POLI: variants seen among roughly 807,000 people sequenced by gnomAD.
POLI encodes the protein RAD30 homolog B.
In POLI, 58 loss-of-function variants were observed where a neutral mutation model predicts 51.6. That is an observed-to-expected ratio of 1.12 (90% confidence interval 0.91 to 1.40). The LOEUF is 1.40. POLI is among the 40% of genes most tolerant of loss of function. POLI has a pLI of 0.00. For missense variants in POLI, 921 were observed against 871.3 expected (o/e 1.06, Z -0.72); for synonymous variants, 322 against 299.7 (o/e 1.07, Z -0.77).
chr18:54,270,067 T>G, intron 1 of POLI: 1 of 994,616 alleles, frequency 1.0e-6, no homozygotes, highest in Non-Finnish European at 1.2e-6. Flanking sequence ...CAGGAAGGGA[T>G]GGCTCAGAAC....
chr18:54,277,586 A>G, intron 3 of POLI, 117 bp from the exon 4 acceptor site: 1 of 605,680 alleles, frequency 1.7e-6, no homozygotes, highest in Non-Finnish European at 2.8e-6. Context: ...TTATGGAACT[A>G]TGAATGTATA....
chr18:54,312,746 A>G (rs953241580), intron 3 of POLI, among the ~76,000 whole-genome samples: 1 of 152,126 alleles, frequency 6.6e-6, no homozygotes, highest in East Asian at 1.9e-4. Context: ...AGCTGCTTGT[A>G]TGTCTTCTTT....
intron 2 of POLI, among the ~76,000 whole-genome samples, chr18:54,272,684 GTGGTCTCGTATGCT>G (rs1370315163): frequency 1.3e-5 from 2 of 150,808 alleles, no homozygotes; most frequent in Non-Finnish European, 3.0e-5. Flanking sequence ...GTTGCCCTGG[GTGGTCTCGTATGCT>G]TGAATTCAGG....
rs2088315749 is a variant in POLI at position 54,296,165 on chromosome 18, A to T, written c.*1698A>T. The T allele has an allele frequency of 1.0e-5, 10 of 984,630 alleles. No homozygotes were observed. The highest frequency in any genetic ancestry group is 1.2e-5 in the Non-Finnish European group (10 of 829,198). 61.0% of individuals were successfully genotyped at this position (984,630 alleles called of 1,614,324 possible). On this transcript the variant is annotated 3_prime_UTR_variant, in exon 10 of 10. Transcript: ENST00000579534. ...AAGGGTATATAACTTTTTGTAAATCATTAAAACATTTTATAGTCCTTGTAA... is the reference window on the plus strand; with the variant it reads ...AAGGGTATATAACTTTTTGTAAATCTTTAAAACATTTTATAGTCCTTGTAA...
In POLI at chr18:54,319,494, A is replaced by G. The variant is rs372169656; in HGVS notation, c.334-779A>G. Among the ~76,000 whole-genome samples, 5 of 152,166 alleles carry G rather than the reference A, an allele frequency of 3.3e-5. No homozygotes were observed. In the East Asian group the frequency reaches 9.6e-4, roughly 29 times the overall value. On this transcript the variant is annotated intron_variant, in intron 3 of 4. Coordinates refer to the POLI transcript ENST00000579823. ...ACATTTTTGTTTTGGTAAGTCCAGT[A>G]ATGTCTGAATATCTGAAAGTATTAG...
At position 54,317,098 on chromosome 18, in the gene POLI, G is replaced by A. The variant is rs76575006; in HGVS notation, c.334-3175G>A. On this transcript the variant is annotated intron_variant, in intron 3 of 4. Transcript: ENST00000579823. ...TTATTGATTATGAGTTTAGACATGT[G>A]ATTTTGCTAATGGAATGTTGGACTT... Among the ~76,000 whole-genome samples the A allele has an allele frequency of 5.9e-3, 894 of 152,232 alleles. 6 individuals carry two copies. Among genetic ancestry groups the A allele is most frequent in the African/African-American group, 0.018 (763 of 41,544 alleles).
Position 54,273,982 on chromosome 18 carries a change from G to A in POLI, c.298G>A (p.Val100Ile). The A allele has an allele frequency of 6.3e-7, 1 of 1,583,216 alleles. No individual in the cohort carries two copies. The highest frequency in any genetic ancestry group is 1.4e-5 in the African/African-American group (1 of 73,776). ...TCNYEARKLG[V>I]KKLMNVRDAK... ...CAACTATGAAGCTAGGAAACTTGGA[G>A]TTAAGAAACTTATGAATGTCAGAGA... Residue 100 changes from valine to isoleucine, a missense_variant, in exon 3 of 10, where the codon GTT (valine) becomes ATT (isoleucine). Coordinates refer to ENST00000579534, the MANE Select transcript of POLI (RefSeq NM_007195.3).
Position 54,293,768 on chromosome 18 carries a change from T to C in POLI, c.1524T>C (p.Asn508=). The part of the protein sequence containing the change: ...RTRESPLDTT[N]FSKEKDINEF... ...GGGAGTCTCCACTAGATACCACAAATTTTTCTAAAGAAAAAGACATTAATG... is the reference window on the plus strand; with the variant it reads ...GGGAGTCTCCACTAGATACCACAAACTTTTCTAAAGAAAAAGACATTAATG... The change falls in exon 10 of 10, where the codon AAT becomes AAC. Residue 508 remains asparagine, a synonymous_variant. Transcript: ENST00000579534. 1 of 1,605,944 alleles carries C rather than the reference T, an allele frequency of 6.2e-7. No homozygotes were observed. The highest frequency in any genetic ancestry group is 8.5e-7 in the Non-Finnish European group (1 of 1,175,574).
At chr18:54,283,751 A>G (rs1450750671) in intron 6 of POLI, 171 bp from the exon 7 acceptor site, 3 of 434,086 alleles carry the variant, frequency 6.9e-6, no homozygotes, top group Non-Finnish European at 1.3e-5. Context: ...AGTGAGTACA[A>G]TAGCTTGCAG....
chr18:54,303,165 A>G (rs1599270945), downstream of POLI, among the ~76,000 whole-genome samples: 1 of 152,348 alleles, frequency 6.6e-6, no homozygotes, highest in East Asian at 1.9e-4. Flanking sequence ...TAGGACACCT[A>G]CATAGTATAC....
chr18:54,308,367 G>T (rs1267808569), intron 3 of POLI, among the ~76,000 whole-genome samples: 2 of 152,106 alleles, frequency 1.3e-5, no homozygotes, highest in African/African-American at 4.8e-5. Context: ...ATATGAAATT[G>T]TGGGTTGGAA....
chr18:54,271,069 G>A (rs906359525), intron 1 of POLI: 4 of 210,658 alleles, frequency 1.9e-5, no homozygotes, highest in Non-Finnish European at 3.7e-5. Context: ...TAAACTTCCA[G>A]GTGATAGTAT....
chr18:54,281,390 G>A (rs1323545966), intron 5 of POLI, among the ~76,000 whole-genome samples: 2 of 152,096 alleles, frequency 1.3e-5, no homozygotes, highest in Non-Finnish European at 2.9e-5. Context: ...TAGGTCATGG[G>A]GCAAGTTTGT....
At chr18:54,279,940 A>G (rs2087424564) in intron 4 of POLI, among the ~76,000 whole-genome samples, 1 of 152,206 alleles carries the variant, frequency 6.6e-6, no homozygotes, top group Admixed American at 6.5e-5. Flanking sequence ...AAATATGAGT[A>G]AAAGTTTTGC....
chr18:54,319,614 A>G (rs1352931763), intron 3 of POLI, among the ~76,000 whole-genome samples: 1 of 152,130 alleles, frequency 6.6e-6, no homozygotes, highest in African/African-American at 2.4e-5. Flanking sequence ...GGATACCAGT[A>G]TTACTTACCT....
intron 3 of POLI, among the ~76,000 whole-genome samples, chr18:54,308,257 G>T (rs892731845): frequency 6.6e-6 from 1 of 152,160 alleles, no homozygotes; most frequent in Non-Finnish European, 1.5e-5. Context: ...TCCTTCAGGA[G>T]CTCTTGTAAG....
At chr18:54,311,010 T>G (rs2088662582) in intron 3 of POLI, 6 of 638,216 alleles carry the variant, frequency 9.4e-6, no homozygotes, top group Non-Finnish European at 1.2e-5. Flanking sequence ...CTCCTGCCTT[T>G]GCTTCCTGAA....
rs770049782 is a variant in POLI, at chr18:54,282,929, G to C, written c.889G>C (p.Glu297Gln). ...QTFSPKILEK[E>Q]LGISVAQRIQ... ...CTTTTCACCCAAAATTTTAGAAAAA[G>C]AATTAGGAATTTCAGTTGCTCAGCG... The change falls in exon 6 of 10, where the codon GAA (glutamate) becomes CAA (glutamine). Residue 297 changes from glutamate (E) to glutamine (Q), a missense_variant. Coordinates refer to ENST00000579534, the MANE Select transcript of POLI (RefSeq NM_007195.3). 1 of 1,604,724 alleles carries C rather than the reference G, an allele frequency of 6.2e-7. No homozygotes were observed. The highest frequency in any genetic ancestry group is 8.5e-7 in the Non-Finnish European group (1 of 1,175,128).
In POLI at chr18:54,294,177, C is replaced by T. The variant is rs750240614; in HGVS notation, c.1933C>T (p.His645Tyr). The change falls in exon 10 of 10, where the codon CAC becomes TAC. Residue 645 changes from histidine (H) to tyrosine (Y), a missense_variant. By Grantham distance (83) the His-to-Tyr change is moderately conservative. Transcript: ENST00000579534. ...AGGACCTAAAGAACCTCAAGGATTCCACTTTACAAATTCAAACCCTGCTGT... is the reference window on the plus strand; with the variant it reads ...AGGACCTAAAGAACCTCAAGGATTCTACTTTACAAATTCAAACCCTGCTGT... ...SQGPKEPQGF[H>Y]FTNSNPAVSA... 6.2e-7 allele frequency: 1 copy of T among 1,612,632 alleles called. No individual in the cohort carries two copies. The highest frequency in any genetic ancestry group is 8.5e-7 in the Non-Finnish European group (1 of 1,178,918).
Sources: allele counts gnomAD v4.1 joint callset (sites outside exome capture counted in the v4.1 genomes callset), GRCh38; gene constraint gnomAD v4.1.1; transcripts MANE v1.5; gene names NCBI Gene and HGNC (gene_info 2026-07-23, HGNC 2026-07-21).